Variants in SPRY3 observed in about 807,000 individuals in gnomAD.
SPRY3 encodes protein sprouty homolog 3.
SPRY3 carries 15 observed loss-of-function variants against 20.2 expected under a neutral mutation model. The ratio of observed to expected loss-of-function variants is 0.74; its 90% confidence interval spans 0.50 to 1.14. SPRY3 has a LOEUF of 1.14. Among genes scored for constraint, SPRY3 ranks in the 50% most tolerant of loss-of-function variants. The pLI, the probability that SPRY3 is intolerant of heterozygous loss-of-function variation, is 0.00. For synonymous variants in SPRY3, 143 were observed against 136.5 expected (o/e 1.05, Z -0.33); for missense variants, 364 against 363.9 (o/e 1.00, Z 0.00).
At chrX:155,712,892 C>G (rs1177934864) in intron 2 of SPRY3, among the ~76,000 whole-genome samples, 1 of 151,822 alleles carries the variant, frequency 6.6e-6, no homozygotes, top group Non-Finnish European at 1.5e-5. Flanking sequence ...TATCTTATAT[C>G]CCATGATTTT....
intron 2 of SPRY3, among the ~76,000 whole-genome samples, chrX:155,748,658 G>T (rs921797239): frequency 5.3e-5 from 8 of 151,784 alleles, no homozygotes; most frequent in African/African-American, 1.9e-4. Flanking sequence ...CTATCATATT[G>T]GGAATCAGGG....
intron 2 of SPRY3, among the ~76,000 whole-genome samples, chrX:155,734,483 C>T (rs184520763): frequency 6.6e-6 from 1 of 152,020 alleles, no homozygotes; most frequent in African/African-American, 2.4e-5. Flanking sequence ...GTAATAGTAA[C>T]ATCAAAGATA....
intron 3 of SPRY3, among the ~76,000 whole-genome samples, chrX:155,771,956 T>G (rs1448679420): frequency 1.3e-5 from 2 of 152,144 alleles, no homozygotes; most frequent in African/African-American, 4.8e-5. Context: ...TGGCTCAAGG[T>G]CCTTCAAGAT....
chrX:155,703,973 T>A (rs1447673268), intron 2 of SPRY3, among the ~76,000 whole-genome samples: 1 of 151,900 alleles, frequency 6.6e-6, no homozygotes, highest in Non-Finnish European at 1.5e-5. Flanking sequence ...AAATTGAGCC[T>A]AACTACTAAC....
intron 2 of SPRY3, among the ~76,000 whole-genome samples, chrX:155,704,848 C>T (rs1316183463): frequency 6.6e-6 from 1 of 151,352 alleles, no homozygotes; most frequent in Admixed American, 6.6e-5. Flanking sequence ...AGTCAGGACA[C>T]AATGGAATGA....
chrX:155,721,621 G>T (rs1000495446), intron 2 of SPRY3, among the ~76,000 whole-genome samples: 1 of 151,964 alleles, frequency 6.6e-6, no homozygotes, highest in African/African-American at 2.4e-5. Flanking sequence ...TCAGTGGAAA[G>T]CTTACAGGTT....
At chrX:155,763,737 C>T (rs2091313502) in intron 2 of SPRY3, among the ~76,000 whole-genome samples, 1 of 152,142 alleles carries the variant, frequency 6.6e-6, no homozygotes, top group Non-Finnish European at 1.5e-5. Flanking sequence ...TCATTTTCTG[C>T]CCAGATCTCA....
chrX:155,652,977 G>T (rs2067981642), intron 1 of SPRY3, among the ~76,000 whole-genome samples: 1 of 111,467 alleles, frequency 9.0e-6, no homozygotes, highest in East Asian at 2.8e-4. Context: ...TTAATATTGA[G>T]CCTCTTTTCA....
chrX:155,733,639 A>G (rs1346093148), intron 2 of SPRY3, among the ~76,000 whole-genome samples: 1 of 152,038 alleles, frequency 6.6e-6, no homozygotes, highest in Non-Finnish European at 1.5e-5. Flanking sequence ...CCTTAACAAG[A>G]GAGTCAGCCT....
intron 2 of SPRY3, among the ~76,000 whole-genome samples, chrX:155,739,464 C>G (rs1030219833): frequency 1.3e-5 from 2 of 152,194 alleles, no homozygotes; most frequent in African/African-American, 4.8e-5. Flanking sequence ...CAAAGGGCAG[C>G]CAGACTGCTT....
At chrX:155,781,918 T>C (rs960598568) in exon 2 of SPRY3, 2 of 166,984 alleles carry the variant, frequency 1.2e-5, no homozygotes, top group African/African-American at 2.4e-5. Context: ...AATTAGCAGT[T>C]GAGGAAAAAG....
chrX:155,669,023 C>T (rs2068032624), intron 2 of SPRY3, among the ~76,000 whole-genome samples: 1 of 110,923 alleles, frequency 9.0e-6, no homozygotes, highest in African/African-American at 3.3e-5. Context: ...TGCTTATATG[C>T]TCATCTTTAA....
intron 2 of SPRY3, among the ~76,000 whole-genome samples, chrX:155,753,872 T>C (rs1276905593): frequency 6.6e-6 from 1 of 152,040 alleles, no homozygotes; most frequent in Non-Finnish European, 1.5e-5. Context: ...TTCATGCACA[T>C]ATTGGCCATT....
At chrX:155,721,487 C>A (rs1238363623) in intron 2 of SPRY3, among the ~76,000 whole-genome samples, 1 of 151,976 alleles carries the variant, frequency 6.6e-6, no homozygotes, top group African/African-American at 2.4e-5. Flanking sequence ...CCAAAGAAGA[C>A]TACCTCAATG....
rs1162313662 is a variant in SPRY3, at chrX:155,755,942, G to A, written c.-281-12020G>A. 3.3e-5 allele frequency among the ~76,000 whole-genome samples: 5 copies of A among 152,030 alleles called. No individual in the cohort carries two copies. In the South Asian group the frequency reaches 6.2e-4, roughly 19 times the overall value. On this transcript the variant is annotated intron_variant, in intron 2 of 3. Coordinates refer to ENST00000675360, the Ensembl canonical transcript of SPRY3. The stretch of plus-strand genomic sequence containing the variant: ...CAGGGAGAGGAAAGTAGGTGGCTGG[G>A]GAGAGAAAGTATAACAAGAATAAAG...
Position 155,726,284 on chromosome X carries a change from A to G in SPRY3, c.-281-41678A>G. Among the ~76,000 whole-genome samples, 9 of 152,306 alleles carry G rather than the reference A, an allele frequency of 5.9e-5. No individual in the cohort carries two copies. In the Middle Eastern group the frequency reaches 0.031, roughly 518 times the overall value. On this transcript the variant is annotated intron_variant, in intron 2 of 3. Transcript: ENST00000675360. ...TAACTGCGATGTGGTGCTGAGAAGA[A>G]TGTATATTCTGTTGATTTGGGGTGC...
At chrX:155,740,140 C>T (rs780206137) in intron 2 of SPRY3, among the ~76,000 whole-genome samples, 1 of 152,190 alleles carries the variant, frequency 6.6e-6, no homozygotes, top group Non-Finnish European at 1.5e-5. Flanking sequence ...TTTATAATTT[C>T]TTACGCCTGT....
At chrX:155,713,068 A>T (rs1206393323) in intron 2 of SPRY3, among the ~76,000 whole-genome samples, 1 of 151,296 alleles carries the variant, frequency 6.6e-6, no homozygotes, top group Non-Finnish European at 1.5e-5. Context: ...TTTGGTTATT[A>T]TTTTTGATTG....
exon 4 of SPRY3, chrX:155,774,984 G>A (rs2091414750): frequency 3.4e-6 from 2 of 582,888 alleles, no homozygotes; most frequent in African/African-American, 1.9e-5. Context: ...GGTTGTCATG[G>A]CAAATTCAGG....
Sources: allele counts gnomAD v4.1 joint callset (sites outside exome capture counted in the v4.1 genomes callset), GRCh38; gene constraint gnomAD v4.1.1; transcripts MANE v1.5; gene names NCBI Gene and HGNC (gene_info 2026-07-23, HGNC 2026-07-21).